Variants in TRPM3 observed in about 807,000 individuals in gnomAD.
The protein encoded by TRPM3 is long transient receptor potential channel 3.
In TRPM3, 77 loss-of-function variants were observed where a neutral mutation model predicts 181.2. The observed-to-expected ratio is 0.42, with a 90% CI of 0.35 to 0.51. TRPM3 has a LOEUF of 0.51. Among genes scored for constraint, TRPM3 ranks in the 20% least tolerant of loss-of-function variants. TRPM3 has a pLI of 0.01. For synonymous variants in TRPM3, 745 were observed against 796.4 expected (o/e 0.94, Z 1.09); for missense variants, 1,759 against 2,196.7 (o/e 0.80, Z 3.98).
intron 1 of TRPM3, among the ~76,000 whole-genome samples, chr9:71,267,746 T>C (rs2083487675): frequency 6.6e-6 from 1 of 152,208 alleles, no homozygotes; most frequent in Non-Finnish European, 1.5e-5. Context: ...TTATTTTAGG[T>C]CACCTAATCT....
intron 1 of TRPM3, among the ~76,000 whole-genome samples, chr9:71,333,229 T>C (rs1031876332): frequency 2.0e-5 from 3 of 151,950 alleles, no homozygotes; most frequent in Non-Finnish European, 4.4e-5. Context: ...AGAGAGTTCA[T>C]GACCCACTTC....
intron 1 of TRPM3, among the ~76,000 whole-genome samples, chr9:71,423,952 T>C (rs995733230): frequency 1.3e-5 from 2 of 152,088 alleles, no homozygotes; most frequent in Admixed American, 6.6e-5. Flanking sequence ...TAAGGACAAG[T>C]TGACAAAAAT....
intron 1 of TRPM3, among the ~76,000 whole-genome samples, chr9:71,257,830 T>C (rs765284502): frequency 2.0e-5 from 3 of 152,214 alleles, no homozygotes; most frequent in Non-Finnish European, 4.4e-5. Context: ...CCATTATAGC[T>C]GATATTTTGA....
intron 1 of TRPM3, among the ~76,000 whole-genome samples, chr9:71,237,440 C>G (rs955571615): frequency 2.0e-5 from 3 of 152,042 alleles, no homozygotes; most frequent in East Asian, 1.9e-4. Flanking sequence ...CTTTATTTTC[C>G]TACAAGGTGG....
At chr9:70,847,273 G>A (rs1199567798) in intron 3 of TRPM3, among the ~76,000 whole-genome samples, 1 of 152,074 alleles carries the variant, frequency 6.6e-6, no homozygotes, top group East Asian at 1.9e-4. Context: ...ATAAATACAT[G>A]CAGTAATAAT....
At chr9:71,420,240 G>A (rs1208046483) in intron 1 of TRPM3, among the ~76,000 whole-genome samples, 1 of 151,816 alleles carries the variant, frequency 6.6e-6, no homozygotes. Flanking sequence ...AGAGAATTAG[G>A]GGATGACCAA....
intron 1 of TRPM3, chr9:70,917,359 G>C (rs2133230154): frequency 9.7e-7 from 1 of 1,033,522 alleles, no homozygotes; most frequent in Non-Finnish European, 1.5e-6. Flanking sequence ...CCAAGTCCAA[G>C]AGTGAAAGGC....
chr9:71,345,884 G>T (rs2091264324), intron 1 of TRPM3, among the ~76,000 whole-genome samples: 1 of 152,112 alleles, frequency 6.6e-6, no homozygotes, highest in African/African-American at 2.4e-5. Flanking sequence ...CGCTAGAATG[G>T]CTCACCTTGA....
intron 1 of TRPM3, among the ~76,000 whole-genome samples, chr9:71,443,976 C>T (rs2094169465): frequency 1.3e-5 from 2 of 152,050 alleles, no homozygotes; most frequent in African/African-American, 4.8e-5. Flanking sequence ...GTCAGGAGAT[C>T]GAGACCATCC....
intron 3 of TRPM3, among the ~76,000 whole-genome samples, chr9:70,849,201 A>G (rs1038139460): frequency 2.6e-5 from 4 of 152,024 alleles, no homozygotes; most frequent in African/African-American, 9.7e-5. Context: ...CTGGAACACA[A>G]TGGCATGATC....
At chr9:70,543,210 AT>A (rs1292895775) in intron 25 of TRPM3, among the ~76,000 whole-genome samples, 1 of 152,140 alleles carries the variant, frequency 6.6e-6, no homozygotes, top group Non-Finnish European at 1.5e-5. Flanking sequence ...ATTTTAATTA[AT>A]TTTGTGGGTA....
chr9:70,575,709 T>C (rs143625269), intron 22 of TRPM3, among the ~76,000 whole-genome samples: 217 of 152,328 alleles, frequency 1.4e-3, no homozygotes, highest in Middle Eastern at 6.8e-3. Context: ...CTCAAACTGT[T>C]AAGAATATAC....
At chr9:71,195,334 G>A (rs1306029527) in intron 1 of TRPM3, among the ~76,000 whole-genome samples, 3 of 151,834 alleles carry the variant, frequency 2.0e-5, no homozygotes, top group Non-Finnish European at 4.4e-5. Flanking sequence ...AGCAGGCAGA[G>A]AACATGGACA....
At chr9:71,048,872 A>T (rs1214924628) in intron 1 of TRPM3, among the ~76,000 whole-genome samples, 1 of 152,192 alleles carries the variant, frequency 6.6e-6, no homozygotes, top group Non-Finnish European at 1.5e-5. Flanking sequence ...AAACAACTCA[A>T]GGTACTAGAA....
intron 1 of TRPM3, among the ~76,000 whole-genome samples, chr9:71,043,340 C>T (rs1277030494): frequency 6.6e-6 from 1 of 152,060 alleles, no homozygotes; most frequent in Non-Finnish European, 1.5e-5. Context: ...GATGGAGGAG[C>T]CTGGAAGAGT....
chr9:70,888,524 G>C (rs998374680), intron 1 of TRPM3, among the ~76,000 whole-genome samples: 15 of 152,058 alleles, frequency 9.9e-5, no homozygotes, highest in Admixed American at 8.5e-4. Context: ...TTTTACTCTT[G>C]AATTTAGTTT....
intron 1 of TRPM3, among the ~76,000 whole-genome samples, chr9:70,959,957 G>A (rs1056087520): frequency 1.3e-5 from 2 of 152,126 alleles, no homozygotes; most frequent in Non-Finnish European, 2.9e-5. Context: ...CTATACTGAT[G>A]ATAAGACCCC....
At chr9:70,811,979 T>C (rs2092129485) in intron 6 of TRPM3, among the ~76,000 whole-genome samples, 1 of 152,232 alleles carries the variant, frequency 6.6e-6, no homozygotes, top group African/African-American at 2.4e-5. Flanking sequence ...CATTTCAGTA[T>C]AATTGGCAGG....
chr9:70,923,476 T>C (rs1450954522), intron 1 of TRPM3, among the ~76,000 whole-genome samples: 1 of 152,078 alleles, frequency 6.6e-6, no homozygotes, highest in Non-Finnish European at 1.5e-5. Flanking sequence ...TGAATTTATG[T>C]TAATTGTAGA....
Sources: allele counts gnomAD v4.1 joint callset (sites outside exome capture counted in the v4.1 genomes callset), GRCh38; gene constraint gnomAD v4.1.1; transcripts MANE v1.5; gene names NCBI Gene and HGNC (gene_info 2026-07-23, HGNC 2026-07-21).